The following VAV3 variants were observed in gnomAD, a reference collection of about 807,000 sequenced individuals.
The protein encoded by VAV3 is guanine nucleotide exchange factor VAV3.
In VAV3, 94 loss-of-function variants were observed where a neutral mutation model predicts 131.2. The observed-to-expected ratio is 0.72, with a 90% confidence interval of 0.61 to 0.85. The LOEUF is 0.85. VAV3 is among the 40% of genes least tolerant of loss of function. The pLI, the probability that VAV3 is intolerant of heterozygous loss-of-function variation, is 0.00. For synonymous variants in VAV3, 349 were observed against 342.0 expected (o/e 1.02, Z -0.22); for missense variants, 939 against 1,002.7 (o/e 0.94, Z 0.86).
At chr1:107,643,608 T>A (rs927105601) in intron 19 of VAV3, among the ~76,000 whole-genome samples, 1 of 152,160 alleles carries the variant, frequency 6.6e-6, no homozygotes, top group Non-Finnish European at 1.5e-5. Context: ...AAGCCTTTAT[T>A]AAGCTTCAGG....
At chr1:107,644,304 A>G (rs1399622081) in intron 19 of VAV3, among the ~76,000 whole-genome samples, 4 of 152,124 alleles carry the variant, frequency 2.6e-5, no homozygotes, top group African/African-American at 9.7e-5. Flanking sequence ...TGTAATATAA[A>G]GTGGAATAAT....
At chr1:107,878,639 TG>T (rs1405616151) in intron 1 of VAV3, among the ~76,000 whole-genome samples, 5 of 152,196 alleles carry the variant, frequency 3.3e-5, no homozygotes, top group Non-Finnish European at 7.3e-5. Flanking sequence ...TACTTCATAC[TG>T]TGAACTTCAT....
At chr1:107,699,740 T>C (rs979974079) in intron 17 of VAV3, among the ~76,000 whole-genome samples, 2 of 152,058 alleles carry the variant, frequency 1.3e-5, no homozygotes, top group East Asian at 1.9e-4. Flanking sequence ...TCTCTCTCTT[T>C]TTTTTTTTAA....
At chr1:107,857,972 T>C (rs145790268) in intron 2 of VAV3, among the ~76,000 whole-genome samples, 217 of 152,350 alleles carry the variant, frequency 1.4e-3, no homozygotes, top group African/African-American at 4.9e-3. Context: ...ATTTTATTTA[T>C]GTAACAAGTA....
At chr1:107,717,984 A>G (rs1570815025) in intron 15 of VAV3, among the ~76,000 whole-genome samples, 1 of 152,204 alleles carries the variant, frequency 6.6e-6, no homozygotes, top group South Asian at 2.1e-4. Flanking sequence ...TCCCTTTACC[A>G]TTATGTAATG....
chr1:107,817,012 CA>C (rs1667588604), intron 2 of VAV3, among the ~76,000 whole-genome samples: 1 of 152,214 alleles, frequency 6.6e-6, no homozygotes, highest in South Asian at 2.1e-4. Flanking sequence ...CAAGCACCCA[CA>C]ACAGTGTTCC....
At chr1:107,929,160 C>T (rs1164534132) in intron 1 of VAV3, among the ~76,000 whole-genome samples, 7 of 151,586 alleles carry the variant, frequency 4.6e-5, no homozygotes, top group South Asian at 2.1e-4. Context: ...TGGTGGCAGA[C>T]GCCTGTAGTC....
intron 11 of VAV3, 146 bp from the exon 12 acceptor site, chr1:107,755,659 A>C (rs1664061470): frequency 1.6e-5 from 10 of 610,892 alleles, no homozygotes; most frequent in Non-Finnish European, 2.3e-5. Context: ...ATGCCCAGTC[A>C]ATCAAAGCTG....
intron 19 of VAV3, among the ~76,000 whole-genome samples, chr1:107,664,367 CCA>C (rs1333168998): frequency 6.6e-6 from 1 of 151,888 alleles, no homozygotes; most frequent in East Asian, 1.9e-4. Context: ...ACAAAAGGCC[CCA>C]GTGTGTGTTG....
At chr1:107,662,779 G>A (rs1352515052) in intron 19 of VAV3, among the ~76,000 whole-genome samples, 1 of 152,154 alleles carries the variant, frequency 6.6e-6, no homozygotes. Context: ...AGACATATTA[G>A]TCATATGAAT....
chr1:107,824,043 A>G (rs1667908566), intron 2 of VAV3, among the ~76,000 whole-genome samples: 1 of 152,214 alleles, frequency 6.6e-6, no homozygotes, highest in African/African-American at 2.4e-5. Flanking sequence ...TGTCATTGCA[A>G]AGCAGCAGAG....
At chr1:107,678,719 A>C (rs1309355614) in intron 19 of VAV3, among the ~76,000 whole-genome samples, 1 of 152,048 alleles carries the variant, frequency 6.6e-6, no homozygotes, top group African/African-American at 2.4e-5. Flanking sequence ...AACCAGTATA[A>C]AAATTTTTAT....
chr1:107,583,090 T>C (rs1288163717), intron 25 of VAV3, among the ~76,000 whole-genome samples: 2 of 152,224 alleles, frequency 1.3e-5, no homozygotes, highest in Non-Finnish European at 2.9e-5. Context: ...TCCTGACTTT[T>C]TAATGATTCC....
chr1:107,912,136 A>G (rs1405545148), intron 1 of VAV3, among the ~76,000 whole-genome samples: 1 of 152,182 alleles, frequency 6.6e-6, no homozygotes, highest in African/African-American at 2.4e-5. Flanking sequence ...ACATACAGAA[A>G]ACACACCTAT....
chr1:107,732,575 C>A (rs1557802536), intron 15 of VAV3, among the ~76,000 whole-genome samples: 1 of 152,214 alleles, frequency 6.6e-6, no homozygotes, highest in Non-Finnish European at 1.5e-5. Context: ...ACGCCTGGCT[C>A]AGAGGGTCCC....
chr1:107,819,428 T>A (rs1351356594), intron 2 of VAV3, among the ~76,000 whole-genome samples: 1 of 151,790 alleles, frequency 6.6e-6, no homozygotes, highest in African/African-American at 2.4e-5. Flanking sequence ...TCCCAGCTAC[T>A]TGGGAGGCTG....
intron 13 of VAV3, among the ~76,000 whole-genome samples, 170 bp from the exon 14 acceptor site, chr1:107,749,764 T>C (rs896875504): frequency 2.6e-5 from 4 of 152,194 alleles, no homozygotes; most frequent in African/African-American, 9.6e-5. Flanking sequence ...GTGTGTGGAA[T>C]TTCCCTTTAC....
At chr1:107,667,569 CTGA>C (rs2101654842) in intron 19 of VAV3, among the ~76,000 whole-genome samples, 1 of 152,152 alleles carries the variant, frequency 6.6e-6, no homozygotes, top group Admixed American at 6.5e-5. Flanking sequence ...GATGGTTTCG[CTGA>C]TGATGGTTTA....
At position 107,777,301 on chromosome 1, in the gene VAV3, G is replaced by A. The variant is rs1228470727; in HGVS notation, c.381-5C>T. 2 of 1,613,560 alleles carry A rather than the reference G, an allele frequency of 1.2e-6. No homozygotes were observed. The highest frequency in any genetic ancestry group is 1.7e-6 in the Non-Finnish European group (2 of 1,179,898). On this transcript the variant is annotated splice_polypyrimidine_tract_variant and splice_region_variant and intron_variant, in intron 3 of 26. Transcript: ENST00000370056. ...CTTTCTTCTGTTGGGAAGGGCCTAGGAAGAGGAGAAAAAACAAAAACAAAA... is the reference window on the plus strand; with the variant it reads ...CTTTCTTCTGTTGGGAAGGGCCTAGAAAGAGGAGAAAAAACAAAAACAAAA...
Sources: allele counts gnomAD v4.1 joint callset (sites outside exome capture counted in the v4.1 genomes callset), GRCh38; gene constraint gnomAD v4.1.1; transcripts MANE v1.5; gene names NCBI Gene and HGNC (gene_info 2026-07-23, HGNC 2026-07-21).